The following TBL1X variants were observed in gnomAD, a reference collection of about 807,000 sequenced individuals.
The protein encoded by TBL1X is transducin beta like 1 X-linked.
A neutral mutation model predicts 50.7 loss-of-function variants in TBL1X; 10 were observed. The observed-to-expected ratio is 0.20, with a 90% CI of 0.12 to 0.33. TBL1X has a LOEUF of 0.33. Ranked by LOEUF, TBL1X falls within the 10% of genes least tolerant of loss-of-function variation. TBL1X has a pLI of 1.00. For missense variants in TBL1X, 340 were observed against 504.4 expected (o/e 0.67, Z 3.12); for synonymous variants, 190 against 214.7 (o/e 0.88, Z 1.01).
At chrX:9,531,702 C>G (rs184728655) in intron 2 of TBL1X, among the ~76,000 whole-genome samples, 1 of 108,790 alleles carries the variant, frequency 9.2e-6, no homozygotes, top group East Asian at 2.9e-4. Flanking sequence ...TCCAGGAGTT[C>G]GAGACCAGCC....
intron 13 of TBL1X, among the ~76,000 whole-genome samples, chrX:9,705,696 A>C (rs2083202536): frequency 2.0e-5 from 2 of 101,242 alleles, no homozygotes; most frequent in African/African-American, 3.6e-5. Context: ...ACTCCAGCCT[A>C]GGCAACAGAG....
At chrX:9,707,751 C>A (rs952274042) in intron 13 of TBL1X, among the ~76,000 whole-genome samples, 1 of 112,239 alleles carries the variant, frequency 8.9e-6, no homozygotes, top group Non-Finnish European at 1.9e-5. Flanking sequence ...GACACCCATG[C>A]GTGTGCACAC....
Position 9,688,138 on chromosome X carries a change from G to A in TBL1X, c.479G>A (p.Ser160Asn). ...GAGAAGCTCGCTCAGCAGCAAGCCA[G>A]TGCGGCGGCGGCGGCGGCTGCGGCC... ...FREKLAQQQA[S>N]AAAAAAAATA... The change falls in exon 7 of 18, where the codon AGT (serine) becomes AAT (asparagine). Residue 160 changes from serine to asparagine, a missense_variant. This residue lies in a region of TBL1X where 99 missense variants were observed against 93.3 expected (regional missense o/e 1.06). Coordinates refer to ENST00000645353, the MANE Select transcript of TBL1X (RefSeq NM_005647.4). 1.7e-6 allele frequency: 2 copies of A among 1,204,451 alleles called. No individual in the cohort carries two copies. Among genetic ancestry groups the A allele is most frequent in the Non-Finnish European group, 2.2e-6 (2 of 891,918 alleles).
At chrX:9,660,234 G>A (rs200124141) in intron 5 of TBL1X, among the ~76,000 whole-genome samples, 2 of 112,528 alleles carry the variant, frequency 1.8e-5, no homozygotes, top group Non-Finnish European at 3.7e-5. Context: ...CTGGAGCTTT[G>A]TGACTGACGT....
chrX:9,616,409 A>G (rs1026302958), intron 2 of TBL1X, among the ~76,000 whole-genome samples: 1 of 112,130 alleles, frequency 8.9e-6, no homozygotes, highest in Non-Finnish European at 1.9e-5. Flanking sequence ...TTCTAAAGAA[A>G]AAAAACACTC....
chrX:9,530,564 T>TA (rs937548090), intron 2 of TBL1X, among the ~76,000 whole-genome samples: 14 of 112,184 alleles, frequency 1.2e-4, no homozygotes, highest in Admixed American at 1.9e-4. Context: ...TTTAAAGCTG[T>TA]AAAAAAAGGT....
intron 2 of TBL1X, among the ~76,000 whole-genome samples, chrX:9,518,463 A>G (rs760118338): frequency 8.9e-6 from 1 of 112,436 alleles, no homozygotes; most frequent in Non-Finnish European, 1.9e-5. Flanking sequence ...TTCGAGAGTC[A>G]CTTACTTCAT....
At chrX:9,645,944 C>T (rs1248734498) in intron 3 of TBL1X, among the ~76,000 whole-genome samples, 1 of 112,346 alleles carries the variant, frequency 8.9e-6, no homozygotes, top group Non-Finnish European at 1.9e-5. Flanking sequence ...TTAACTTGCA[C>T]TGGAAGACCA....
chrX:9,503,838 C>G (rs1165228235), intron 2 of TBL1X, among the ~76,000 whole-genome samples: 1 of 112,904 alleles, frequency 8.9e-6, no homozygotes, highest in Non-Finnish European at 1.9e-5. Flanking sequence ...CTCTGCTGAC[C>G]AGCAGATTTA....
In TBL1X at chrX:9,694,588, T is replaced by A. The variant is rs926508637; in HGVS notation, c.1053+1169T>A. Among the ~76,000 whole-genome samples, 3 of 106,620 alleles carry A rather than the reference T, an allele frequency of 2.8e-5. No individual in the cohort carries two copies. The Admixed American group carries it at 3.0e-4, about 11-fold the overall frequency. The allele number at this position is 106,620 out of a possible 115,157, so 92.6% of individuals were successfully genotyped here. On this transcript the variant is annotated intron_variant, in intron 11 of 17. Coordinates refer to ENST00000645353, the MANE Select transcript of TBL1X (RefSeq NM_005647.4). ...CTCCAGCCTGGATCTGGAAGAAGAG[T>A]GAGACTCTGTCTCAAAACAAAACAA...
chrX:9,479,207 C>G (rs1003405501), intron 1 of TBL1X, among the ~76,000 whole-genome samples: 2 of 112,915 alleles, frequency 1.8e-5, no homozygotes, highest in African/African-American at 6.4e-5. Context: ...GCCTATAATC[C>G]TAGCACTTTG....
intron 2 of TBL1X, among the ~76,000 whole-genome samples, chrX:9,599,679 T>G (rs1369741353): frequency 8.9e-6 from 1 of 112,578 alleles, no homozygotes; most frequent in Non-Finnish European, 1.9e-5. Flanking sequence ...GCTCTGGCCA[T>G]ATTACTACTT....
intron 5 of TBL1X, among the ~76,000 whole-genome samples, chrX:9,672,412 A>T (rs914274028): frequency 1.8e-5 from 2 of 112,011 alleles, no homozygotes; most frequent in African/African-American, 6.5e-5. Flanking sequence ...CAGACCGAAC[A>T]GCAAGCGAGT....
In TBL1X at chrX:9,716,271, A is replaced by G. The variant is rs1211569717; in HGVS notation, c.*25A>G. ...ACCACAAAATATTATCGAAAAAAGA[A>G]AAGAATTCTAATGACCAGCCGTGAA... On this transcript the variant is annotated 3_prime_UTR_variant, in exon 18 of 18. Transcript: ENST00000645353. 1.7e-6 allele frequency: 2 copies of G among 1,199,050 alleles called. No homozygotes were observed. The highest frequency in any genetic ancestry group is 2.3e-6 in the Non-Finnish European group (2 of 886,207).
At position 9,552,734 on chromosome X, in the gene TBL1X, T is replaced by A. The variant is rs1366793441; in HGVS notation, c.-131+50885T>A. ...ATCATTTTCACATTTCTCAAAATGG[T>A]CCTTGGTAGCTGTGGTAGATGGAAT... On this transcript the variant is annotated intron_variant, in intron 2 of 17. Transcript: ENST00000645353. Among the ~76,000 whole-genome samples the A allele has an allele frequency of 4.5e-5, 5 of 112,338 alleles. No homozygotes were observed. In the Admixed American group the frequency reaches 4.7e-4, roughly 11 times the overall value.
At chrX:9,605,480 TTA>T (rs769386234) in intron 2 of TBL1X, among the ~76,000 whole-genome samples, 2 of 112,758 alleles carry the variant, frequency 1.8e-5, no homozygotes, top group South Asian at 7.3e-4. Context: ...TCTTGCATCT[TTA>T]TGTCAAGAAT....
chrX:9,660,966 A>G (rs5979145), intron 5 of TBL1X, among the ~76,000 whole-genome samples: 3,153 of 111,966 alleles, frequency 0.028, 115 homozygotes, highest in African/African-American at 0.098. Context: ...TGCCCCTTCT[A>G]CCATGTGGGA....
intron 12 of TBL1X, 61 bp from the exon 13 acceptor site, chrX:9,704,932 T>G: frequency 8.3e-7 from 1 of 1,204,512 alleles, no homozygotes; most frequent in Non-Finnish European, 1.1e-6. Context: ...TGTTCATTGT[T>G]GTAAATCCAT....
chrX:9,601,969 G>A (rs2082559175), intron 2 of TBL1X, among the ~76,000 whole-genome samples: 1 of 111,490 alleles, frequency 9.0e-6, no homozygotes, highest in Non-Finnish European at 1.9e-5. Context: ...CTTTGAAACC[G>A]GGAGGCGGAG....
Sources: allele counts gnomAD v4.1 joint callset (sites outside exome capture counted in the v4.1 genomes callset), GRCh38; gene constraint gnomAD v4.1.1; regional missense constraint gnomAD v4.1.1; transcripts MANE v1.5; gene names NCBI Gene and HGNC (gene_info 2026-07-23, HGNC 2026-07-21).